PHF14: variants seen among roughly 807,000 people sequenced by gnomAD.
The protein encoded by PHF14 is PHD finger protein 14.
PHF14 carries 55 observed loss-of-function variants against 117.9 expected under a neutral mutation model. The observed-to-expected ratio is 0.47, with a 90% confidence interval of 0.38 to 0.58. The LOEUF (loss-of-function observed/expected upper bound fraction) is 0.58. Among genes scored for constraint, PHF14 ranks in the 20% least tolerant of loss-of-function variants. The pLI, the probability that PHF14 is intolerant of heterozygous loss-of-function variation, is 0.00. For synonymous variants in PHF14, 409 were observed against 368.6 expected, an observed-to-expected ratio of 1.11 and a Z score of -1.26; for missense variants, 978 against 1,122.2, an observed-to-expected ratio of 0.87 and a Z score of 1.84.
At chr7:11,155,533 G>C (rs1055379514) in intron 17 of PHF14, among the ~76,000 whole-genome samples, 2 of 152,100 alleles carry the variant, frequency 1.3e-5, no homozygotes, top group Admixed American at 6.6e-5. Context: ...TCCATTGTTT[G>C]CTTGACCAAC....
At chr7:11,078,310 C>T (rs1331178454) in intron 16 of PHF14, among the ~76,000 whole-genome samples, 1 of 152,032 alleles carries the variant, frequency 6.6e-6, no homozygotes, top group Non-Finnish European at 1.5e-5. Flanking sequence ...TAATATTTAT[C>T]TTAGTGAATA....
At chr7:11,061,655 A>C (rs1468519347) in intron 14 of PHF14, 136 bp from the exon 15 acceptor site, 1 of 521,948 alleles carries the variant, frequency 1.9e-6, no homozygotes, top group Non-Finnish European at 3.2e-6. Context: ...ATATAGTATT[A>C]ATTAGAAATA....
At chr7:10,993,214 AATTATT>A (rs909049372) in intron 4 of PHF14, among the ~76,000 whole-genome samples, 1 of 151,572 alleles carries the variant, frequency 6.6e-6, no homozygotes, top group Non-Finnish European at 1.5e-5. Flanking sequence ...CTTACCAATT[AATTATT>A]ATTATTATTA....
At chr7:11,058,791 G>T (rs1036065243) in intron 14 of PHF14, among the ~76,000 whole-genome samples, 4 of 152,178 alleles carry the variant, frequency 2.6e-5, no homozygotes, top group Non-Finnish European at 4.4e-5. Flanking sequence ...GATTAGCCAT[G>T]CAAGAAAAGT....
intron 16 of PHF14, chr7:11,102,819 G>A: frequency 7.9e-7 from 1 of 1,273,528 alleles, no homozygotes; most frequent in Non-Finnish European, 1.0e-6. Context: ...GAAAAATACT[G>A]GATACATGTC....
chr7:11,072,142 G>A (rs531171678), intron 16 of PHF14, among the ~76,000 whole-genome samples: 4 of 152,212 alleles, frequency 2.6e-5, no homozygotes, highest in South Asian at 2.1e-4. Flanking sequence ...GAAGCATAGC[G>A]GTTTCTGCTT....
intron 7 of PHF14, among the ~76,000 whole-genome samples, chr7:11,030,647 T>C (rs1784090833): frequency 6.6e-6 from 1 of 152,096 alleles, no homozygotes; most frequent in Non-Finnish European, 1.5e-5. Context: ...TTGAGGAAAT[T>C]TACAGGGAAA....
At chr7:11,137,923 G>T (rs946613675) in intron 17 of PHF14, among the ~76,000 whole-genome samples, 1 of 151,536 alleles carries the variant, frequency 6.6e-6, no homozygotes, top group Non-Finnish European at 1.5e-5. Context: ...TAAATAAAAA[G>T]GTAACCTTTA....
In PHF14 at chr7:11,053,636, C is replaced by T. The variant is rs182863428; in HGVS notation, c.2481+1856C>T. 4.6e-3 allele frequency among the ~76,000 whole-genome samples: 699 copies of T among 152,014 alleles called. 4 individuals carry two copies. Among genetic ancestry groups the T allele is most frequent in the African/African-American group, 0.016 (667 of 41,516 alleles). ...CAGTTTCTTTATTGTTTCAAGAAAG[C>T]CTTTTGACTAGTATTATCATCCTTA... On this transcript the variant is annotated intron_variant, in intron 14 of 17. Coordinates refer to ENST00000634607, the MANE Select transcript of PHF14 (RefSeq NM_001007157.2).
Position 11,130,732 on chromosome 7 carries a change from G to A in PHF14, c.2772+19265G>A, listed in dbSNP as rs555901203. Among the ~76,000 whole-genome samples the A allele has an allele frequency of 1.3e-5, 2 of 151,934 alleles. No homozygotes were observed. Among genetic ancestry groups the A allele is most frequent in the African/African-American group, 4.8e-5 (2 of 41,482 alleles). On this transcript the variant is annotated intron_variant, in intron 17 of 17. Transcript: ENST00000634607. The surrounding 1 kb of genome is among the most constrained non-coding windows in gnomAD (Gnocchi z 4.2). The stretch of plus-strand genomic sequence containing the variant: ...TTATTTTTTGTGTGGTACATTCTGT[G>A]GGTTTTGACAGTTGTAATAATGACA...
chr7:10,991,827 G>A (rs1782465178), intron 4 of PHF14, among the ~76,000 whole-genome samples: 1 of 139,942 alleles, frequency 7.1e-6, no homozygotes, highest in Non-Finnish European at 1.5e-5. Flanking sequence ...TGAACTCCTG[G>A]CCTCAAGCAA....
chr7:11,107,524 T>C, intron 16 of PHF14: 2 of 883,270 alleles, frequency 2.3e-6, no homozygotes, highest in Non-Finnish European at 2.7e-6. Flanking sequence ...CTCTATAGTG[T>C]TAATGTGTAC....
At chr7:11,160,281 C>A (rs1275213369) in intron 17 of PHF14, among the ~76,000 whole-genome samples, 1 of 152,174 alleles carries the variant, frequency 6.6e-6, no homozygotes, top group Non-Finnish European at 1.5e-5. Context: ...TATATATGTA[C>A]ATTTTCTTTA....
At chr7:11,078,161 C>T (rs1257145780) in intron 16 of PHF14, among the ~76,000 whole-genome samples, 1 of 152,058 alleles carries the variant, frequency 6.6e-6, no homozygotes, top group African/African-American at 2.4e-5. Flanking sequence ...TCCTTATTCA[C>T]TTATTCTCTA....
intron 5 of PHF14, among the ~76,000 whole-genome samples, chr7:11,015,555 A>G (rs1196967000): frequency 6.6e-6 from 1 of 151,916 alleles, no homozygotes; most frequent in African/African-American, 2.4e-5. Context: ...TGGACTGTCT[A>G]TGTTTGGATT....
chr7:11,051,430 A>T (rs144923878), intron 13 of PHF14, among the ~76,000 whole-genome samples, 182 bp from the exon 14 acceptor site: 3 of 152,144 alleles, frequency 2.0e-5, no homozygotes, highest in African/African-American at 4.8e-5. Flanking sequence ...TATTATATTC[A>T]TAGTAGTCAC....
intron 17 of PHF14, among the ~76,000 whole-genome samples, chr7:11,115,886 A>T (rs955785638): frequency 2.0e-5 from 3 of 152,024 alleles, no homozygotes; most frequent in Non-Finnish European, 2.9e-5. Flanking sequence ...CTTGTGGTTT[A>T]GATTCATTAT....
intron 17 of PHF14, among the ~76,000 whole-genome samples, chr7:11,147,586 A>G (rs975472179): frequency 2.0e-5 from 3 of 152,204 alleles, no homozygotes; most frequent in African/African-American, 7.2e-5. Context: ...TTATTTAACA[A>G]TGTCAACCAT....
chr7:10,974,218 A>G lies in PHF14; in HGVS notation c.-106A>G, dbSNP rs1226184925. On this transcript the variant is annotated 5_prime_UTR_variant, in exon 1 of 18. Transcript: ENST00000634607. The stretch of plus-strand genomic sequence containing the variant: ...TGGCTGCGCGCCGGTTTTAAATAGC[A>G]TCTTTCGGACTTGTCTTCGCGGCCC... 1.0e-6 allele frequency: 1 copy of G among 973,374 alleles called. No individual in the cohort carries two copies. The highest frequency in any genetic ancestry group is 1.6e-6 in the Non-Finnish European group (1 of 629,496). 60.3% of individuals were successfully genotyped at this position (973,374 alleles called of 1,614,324 possible). A position where few individuals can be genotyped will look rare whatever the true frequency, so the allele number is the denominator to read the frequency against.
Sources: gnomAD v4.1 joint callset for allele counts (sites outside exome capture counted in the v4.1 genomes callset) on GRCh38, gnomAD v4.1.1 for gene constraint, Gnocchi (gnomAD v3.1) non-coding constraint, MANE v1.5 for transcripts, NCBI Gene and HGNC (gene_info 2026-07-23, HGNC 2026-07-21) for gene names.